Variants in TENM1 observed in about 807,000 individuals in gnomAD.
TENM1 encodes teneurin-1.
TENM1 carries 35 observed loss-of-function variants against 174.8 expected under a neutral mutation model. That is an observed-to-expected ratio of 0.20 (90% confidence interval 0.15 to 0.27). TENM1 has a LOEUF of 0.27. Among genes scored for constraint, TENM1 ranks in the 10% least tolerant of loss-of-function variants. The probability of loss-of-function intolerance (pLI) is 1.00; values close to 1 mark genes in which losing one functional copy is unlikely to be tolerated. For synonymous variants in TENM1, 781 were observed against 798.7 expected, an observed-to-expected ratio of 0.98 and a Z score of 0.37; for missense variants, 1,633 against 2,130.1, an observed-to-expected ratio of 0.77 and a Z score of 4.59.
intron 1 of TENM1, among the ~76,000 whole-genome samples, chrX:124,904,531 T>C (rs1240345369): frequency 8.9e-6 from 1 of 112,445 alleles, no homozygotes; most frequent in Non-Finnish European, 1.9e-5. Flanking sequence ...AATTGAAAAA[T>C]TGTTATTTTG....
chrX:125,085,924 C>T, the TENM1 span, among the ~76,000 whole-genome samples: 1 of 110,143 alleles, frequency 9.1e-6, no homozygotes, highest in African/African-American at 3.3e-5. Flanking sequence ...TACTTTCTCA[C>T]CATCAAAGGA....
chrX:125,186,635 G>A, the TENM1 span, among the ~76,000 whole-genome samples: 1 of 107,913 alleles, frequency 9.3e-6, no homozygotes, highest in Non-Finnish European at 1.9e-5. Flanking sequence ...TTTAATCTCT[G>A]AATATGCTGG....
intron 22 of TENM1, among the ~76,000 whole-genome samples, chrX:124,479,896 TAC>T (rs1181066295): frequency 2.7e-5 from 3 of 112,036 alleles, no homozygotes; most frequent in Non-Finnish European, 5.6e-5. Flanking sequence ...AATCATTAAA[TAC>T]TTATTGTGGA....
exon 30 of TENM1, chrX:124,384,276 T>A (rs1569528398): frequency 8.3e-7 from 1 of 1,208,662 alleles, no homozygotes; most frequent in East Asian, 3.0e-5. Flanking sequence ...TCTTCATCCA[T>A]TTTATACTGA....
chrX:124,455,932 T>C (rs1458233065), intron 22 of TENM1, among the ~76,000 whole-genome samples: 1 of 111,801 alleles, frequency 8.9e-6, no homozygotes, highest in African/African-American at 3.2e-5. Context: ...TTTGCTGATA[T>C]CAGGGAGGAC....
At chrX:124,537,997 T>C (rs5956661) in intron 15 of TENM1, among the ~76,000 whole-genome samples, 10,057 of 111,747 alleles carry the variant, frequency 0.09, 490 homozygotes, top group African/African-American at 0.18. Flanking sequence ...CTTTTGAAGA[T>C]CTGTGTTCTG....
At chrX:124,724,448 C>T (rs149044951) in intron 4 of TENM1, among the ~76,000 whole-genome samples, 3,491 of 111,934 alleles carry the variant, frequency 0.031, 147 homozygotes, top group African/African-American at 0.11. Flanking sequence ...GGGGTTTCTA[C>T]ATGAAAGTTG....
chrX:124,582,235 T>C (rs1321650172), intron 11 of TENM1, among the ~76,000 whole-genome samples: 3 of 112,515 alleles, frequency 2.7e-5, no homozygotes, highest in Admixed American at 9.4e-5. Context: ...TAAGGCTGCA[T>C]AGTATTCCAT....
chrX:124,390,069 C>G (rs1309878463), intron 28 of TENM1, among the ~76,000 whole-genome samples: 1 of 112,153 alleles, frequency 8.9e-6, no homozygotes, highest in Non-Finnish European at 1.9e-5. Flanking sequence ...TTATTTTTGT[C>G]CACTGCAGAC....
chrX:124,930,111 C>T (rs1177124112), intron 1 of TENM1, among the ~76,000 whole-genome samples: 2 of 109,795 alleles, frequency 1.8e-5, no homozygotes, highest in African/African-American at 6.6e-5. Flanking sequence ...CCGCTGCCAC[C>T]CCATACCCCG....
intron 14 of TENM1, among the ~76,000 whole-genome samples, chrX:124,550,936 T>C (rs1487872915): frequency 9.0e-6 from 1 of 111,449 alleles, no homozygotes; most frequent in African/African-American, 3.3e-5. Context: ...CTTTTTGTAT[T>C]TTTAGTAGAG....
intron 5 of TENM1, 144 bp downstream of exon 8, chrX:124,704,869 A>G: frequency 2.1e-6 from 1 of 468,908 alleles, no homozygotes; most frequent in Non-Finnish European, 3.7e-6. Context: ...AAAAAAAAAA[A>G]AGAAGAAAAT....
At chrX:124,957,460 T>C (rs898475091) in intron 1 of TENM1, among the ~76,000 whole-genome samples, 4 of 109,470 alleles carry the variant, frequency 3.7e-5, no homozygotes, top group Admixed American at 3.0e-4. Context: ...GGCACACGCC[T>C]GTAATCTCAG....
At chrX:125,201,620 G>T in the TENM1 span, among the ~76,000 whole-genome samples, 1 of 111,825 alleles carries the variant, frequency 8.9e-6, no homozygotes, top group Admixed American at 9.5e-5. Flanking sequence ...TTGTTTTATA[G>T]AAACACCTGT....
intron 6 of TENM1, among the ~76,000 whole-genome samples, chrX:124,670,986 T>C (rs1179800604): frequency 1.8e-5 from 2 of 111,599 alleles, no homozygotes; most frequent in Non-Finnish European, 3.8e-5. Flanking sequence ...CAAGTCCCTC[T>C]GTACTGAATC....
chrX:124,548,423 AAG>A (rs1455507694), intron 14 of TENM1, among the ~76,000 whole-genome samples: 1 of 111,437 alleles, frequency 9.0e-6, no homozygotes, highest in Admixed American at 9.5e-5. Flanking sequence ...TAGTAGGAGA[AAG>A]AGATATGTAA....
chrX:124,392,083 C>T lies in TENM1; in HGVS notation c.5657G>A (p.Gly1886Glu), dbSNP rs139147692. 5 of 1,206,106 alleles carry T rather than the reference C, an allele frequency of 4.1e-6. No homozygotes were observed. In the African/African-American group the frequency reaches 8.8e-5, roughly 21 times the overall value. Residue 1886 changes from glycine (G) to glutamate (E), a missense_variant, in exon 28 of 32, where the codon GGG becomes GAG. By Grantham distance (98) the Gly-to-Glu change is moderately conservative. Transcript: ENST00000422452. ...TAAGTAGGTATAGCTCCAAATTTTC[C>T]CATCAGCCCAAGTTCTTGAAATAAT...
chrX:124,599,083 C>G (rs1397899752), intron 11 of TENM1, among the ~76,000 whole-genome samples: 1 of 111,240 alleles, frequency 9.0e-6, no homozygotes, highest in East Asian at 2.8e-4. Context: ...GGGTTCAGTG[C>G]TATCCAAGGT....
At chrX:125,179,280 A>G in the TENM1 span, among the ~76,000 whole-genome samples, 3 of 110,757 alleles carry the variant, frequency 2.7e-5, no homozygotes, top group Non-Finnish European at 5.7e-5. Context: ...GTACAAAAGT[A>G]TAGAATCAAG....
Sources: allele counts gnomAD v4.1 joint callset (sites outside exome capture counted in the v4.1 genomes callset), GRCh38; gene constraint gnomAD v4.1.1; transcripts MANE v1.5; gene names NCBI Gene and HGNC (gene_info 2026-07-23, HGNC 2026-07-21).